The following UNC13C variants were observed in gnomAD, a reference collection of about 807,000 sequenced individuals.
UNC13C encodes the protein protein unc-13 homolog C.
Under a neutral mutation model 245.4 loss-of-function variants are expected in UNC13C, and 174 were observed. That is an observed-to-expected ratio of 0.71 (90% CI 0.63 to 0.80). UNC13C has a LOEUF of 0.80. Among genes scored for constraint, UNC13C ranks in the 30% least tolerant of loss-of-function variants. UNC13C has a pLI of 0.00. For synonymous variants in UNC13C, 992 were observed against 895.1 expected (o/e 1.11, Z -1.93); for missense variants, 2,829 against 2,602.9 (o/e 1.09, Z -1.89).
intron 29 of UNC13C, among the ~76,000 whole-genome samples, chr15:54,565,142 G>C (rs1897456295): frequency 6.6e-6 from 1 of 151,832 alleles, no homozygotes; most frequent in Admixed American, 6.6e-5. Context: ...TAACAGAATT[G>C]CATGCCTCCC....
At chr15:54,323,358 A>G (rs1474841563) in intron 14 of UNC13C, among the ~76,000 whole-genome samples, 3 of 152,002 alleles carry the variant, frequency 2.0e-5, no homozygotes, top group Admixed American at 1.3e-4. Flanking sequence ...AATGCCAGTA[A>G]AGGAGACTAC....
chr15:53,972,622 C>T, the UNC13C span: 1 of 152,090 alleles, frequency 6.6e-6, no homozygotes, highest in Admixed American at 6.6e-5. Context: ...AAGGACATCG[C>T]CACAAAATTT....
At chr15:53,861,347 T>C in the UNC13C span, among the ~76,000 whole-genome samples, 8 of 152,304 alleles carry the variant, frequency 5.3e-5, no homozygotes, top group East Asian at 1.3e-3. Context: ...AATTGGAAAC[T>C]TTATCACTTG....
At chr15:53,905,654 CA>C in the UNC13C span, among the ~76,000 whole-genome samples, 3 of 151,958 alleles carry the variant, frequency 2.0e-5, no homozygotes, top group Non-Finnish European at 4.4e-5. Flanking sequence ...TCAAAGAGTA[CA>C]AAAAGTTTTA....
chr15:54,481,682 T>G (rs1893127455), intron 19 of UNC13C, among the ~76,000 whole-genome samples: 1 of 151,760 alleles, frequency 6.6e-6, no homozygotes. Flanking sequence ...TGTCTTTGGG[T>G]CCCTGGATGC....
At chr15:53,853,115 C>T in the UNC13C span, among the ~76,000 whole-genome samples, 5 of 151,862 alleles carry the variant, frequency 3.3e-5, no homozygotes, top group Admixed American at 6.6e-5. Flanking sequence ...GAGATCAACC[C>T]ATCATCTAGG....
chr15:54,422,325 T>G (rs1413798756), intron 19 of UNC13C, among the ~76,000 whole-genome samples: 1 of 152,048 alleles, frequency 6.6e-6, no homozygotes, highest in Non-Finnish European at 1.5e-5. Context: ...ATACCTATCA[T>G]AGCCCTCTAA....
At chr15:54,485,874 C>T (rs1235910983) in intron 19 of UNC13C, among the ~76,000 whole-genome samples, 2 of 152,146 alleles carry the variant, frequency 1.3e-5, no homozygotes, top group African/African-American at 4.8e-5. Context: ...TGACTTCATT[C>T]AGTTCTGCTC....
At chr15:54,285,255 C>CT (rs530044662) in intron 10 of UNC13C, among the ~76,000 whole-genome samples, 48 of 146,456 alleles carry the variant, frequency 3.3e-4, no homozygotes, top group African/African-American at 7.5e-4. Flanking sequence ...GTTGAGGACT[C>CT]TTTTTTTTTT....
At chr15:54,303,959 C>A (rs1455833553) in intron 13 of UNC13C, among the ~76,000 whole-genome samples, 1 of 151,940 alleles carries the variant, frequency 6.6e-6, no homozygotes, top group Non-Finnish European at 1.5e-5. Context: ...TAGCAAGTGA[C>A]CTGCAGGTAT....
intron 2 of UNC13C, chr15:54,048,455 A>G (rs1897134698): frequency 1.6e-6 from 1 of 606,538 alleles, no homozygotes; most frequent in Non-Finnish European, 3.2e-6. Flanking sequence ...GGATTGCTTG[A>G]TAATGAGGCC....
At chr15:54,488,268 G>T (rs985675700) in intron 19 of UNC13C, among the ~76,000 whole-genome samples, 6 of 152,162 alleles carry the variant, frequency 3.9e-5, no homozygotes, top group African/African-American at 1.4e-4. Context: ...TTTTGTGTTT[G>T]TGAGCACACA....
chr15:54,138,082 GTTGTT>G (rs2031824780), intron 2 of UNC13C, among the ~76,000 whole-genome samples: 1 of 151,960 alleles, frequency 6.6e-6, no homozygotes, highest in African/African-American at 2.4e-5. Context: ...TCAGGAGTGT[GTTGTT>G]TTATTTCCAC....
At chr15:54,025,283 G>A (rs1595731461) in intron 2 of UNC13C, among the ~76,000 whole-genome samples, 1 of 152,284 alleles carries the variant, frequency 6.6e-6, no homozygotes, top group South Asian at 2.1e-4. Flanking sequence ...ATGCGTGTAT[G>A]TGTTTTATAT....
At chr15:53,911,337 C>G in the UNC13C span, 7 of 152,230 alleles carry the variant, frequency 4.6e-5, no homozygotes, top group African/African-American at 1.7e-4. Context: ...CGGGACACTC[C>G]GATTCAGTCT....
At chr15:53,968,395 A>C in the UNC13C span, among the ~76,000 whole-genome samples, 2 of 152,174 alleles carry the variant, frequency 1.3e-5, no homozygotes, top group African/African-American at 4.8e-5. Context: ...AGAGTAAGAT[A>C]CTATTAAGAA....
chr15:53,874,855 G>A, the UNC13C span, among the ~76,000 whole-genome samples: 14 of 152,218 alleles, frequency 9.2e-5, no homozygotes, highest in African/African-American at 3.4e-4. Context: ...CAGCACTTTG[G>A]GAGGCCAAGG....
At chr15:54,457,461 C>T (rs1001564311) in intron 19 of UNC13C, among the ~76,000 whole-genome samples, 2 of 152,054 alleles carry the variant, frequency 1.3e-5, no homozygotes, top group African/African-American at 4.8e-5. Flanking sequence ...GGTACCCATT[C>T]TTCTTTGAAT....
intron 18 of UNC13C, among the ~76,000 whole-genome samples, chr15:54,411,842 A>C (rs1187428163): frequency 1.3e-5 from 2 of 152,278 alleles, no homozygotes; most frequent in African/African-American, 4.8e-5. Context: ...ATTCTGCTAG[A>C]ATTTTGATTG....
Sources: allele counts gnomAD v4.1 joint callset (sites outside exome capture counted in the v4.1 genomes callset), GRCh38; gene constraint gnomAD v4.1.1; transcripts MANE v1.5; gene names NCBI Gene and HGNC (gene_info 2026-07-23, HGNC 2026-07-21).